TNIK: variants seen among roughly 807,000 people sequenced by gnomAD.
TNIK encodes the protein TRAF2 and NCK-interacting protein kinase.
TNIK carries 49 observed loss-of-function variants against 191.3 expected under a neutral mutation model. That is an observed-to-expected ratio of 0.26 (90% CI 0.20 to 0.32). The LOEUF is 0.32. TNIK is among the 10% of genes least tolerant of loss of function. TNIK has a pLI of 1.00. For missense variants in TNIK, 1,155 were observed against 1,702.3 expected (o/e 0.68, Z 5.66); for synonymous variants, 594 against 600.9 (o/e 0.99, Z 0.17).
intron 2 of TNIK, among the ~76,000 whole-genome samples, chr3:171,325,128 CAAAAG>C (rs778879349): frequency 2.0e-5 from 3 of 151,452 alleles, no homozygotes; most frequent in African/African-American, 7.3e-5. Flanking sequence ...ATAAATAAAA[CAAAAG>C]AGAAGAACTC....
chr3:171,252,705 A>C (rs763071542), intron 2 of TNIK, among the ~76,000 whole-genome samples: 13 of 152,204 alleles, frequency 8.5e-5, no homozygotes, highest in Non-Finnish European at 1.9e-4. Flanking sequence ...TTGATATAAG[A>C]AATCAGCTAG....
chr3:171,388,770 G>T (rs1719068143), intron 1 of TNIK, among the ~76,000 whole-genome samples: 1 of 152,210 alleles, frequency 6.6e-6, no homozygotes, highest in Non-Finnish European at 1.5e-5. Context: ...CCCCAGCAGA[G>T]CTTAGTTGCT....
chr3:171,126,016 G>C lies in TNIK; in HGVS notation c.1909C>G (p.Arg637Gly). Reference sequence around the variant, plus strand: ...TCCGAGGTGGGATCTGAGTTCTGGCGTGGCATCTCCACGCGGTGGGAGGTC... The same window carrying C: ...TCCGAGGTGGGATCTGAGTTCTGGCCTGGCATCTCCACGCGGTGGGAGGTC... ...NVTSHRVEMP[R>G]QNSDPTSENP... is the part of the protein sequence containing the mutation. The change falls in exon 17 of 33, where the codon CGC becomes GGC. Residue 637 changes from arginine (R) to glycine (G), a missense_variant. Physicochemically the swap from Arg to Gly is moderately radical, Grantham distance 125. Transcript: ENST00000436636. The C allele has an allele frequency of 6.2e-7, 1 of 1,613,962 alleles. No homozygotes were observed.
At chr3:171,191,407 T>C (rs1338613926) in intron 5 of TNIK, among the ~76,000 whole-genome samples, 1 of 152,164 alleles carries the variant, frequency 6.6e-6, no homozygotes, top group African/African-American at 2.4e-5. Context: ...CACGCCAGGC[T>C]AATTTATTTT....
intron 2 of TNIK, among the ~76,000 whole-genome samples, chr3:171,265,846 C>CACTAGTG (rs1748327073): frequency 6.8e-6 from 1 of 146,654 alleles, no homozygotes; most frequent in African/African-American, 2.5e-5. Context: ...TTTAAATAAG[C>CACTAGTG]ATTATTTTTT....
At chr3:171,452,964 C>G (rs1170662394) in intron 1 of TNIK, among the ~76,000 whole-genome samples, 2 of 152,088 alleles carry the variant, frequency 1.3e-5, no homozygotes, top group Non-Finnish European at 2.9e-5. Flanking sequence ...GAATTGTACT[C>G]TACATAAAAA....
intron 18 of TNIK, among the ~76,000 whole-genome samples, chr3:171,115,016 A>G (rs1208202265): frequency 6.6e-6 from 1 of 152,244 alleles, no homozygotes; most frequent in Non-Finnish European, 1.5e-5. Flanking sequence ...AAAAATTATT[A>G]TGCATAATTA....
intron 2 of TNIK, among the ~76,000 whole-genome samples, chr3:171,331,245 T>C (rs1756394738): frequency 6.6e-6 from 1 of 152,154 alleles, no homozygotes; most frequent in Non-Finnish European, 1.5e-5. Context: ...CAGGCCACTT[T>C]CTACCCCAGA....
At chr3:171,068,745 G>A in intron 30 of TNIK, 103 bp downstream of exon 30, 1 of 1,199,194 alleles carries the variant, frequency 8.3e-7, no homozygotes, top group Non-Finnish European at 1.1e-6. Flanking sequence ...TTGCTGGTTA[G>A]TAAAGTGTGC....
intron 32 of TNIK, among the ~76,000 whole-genome samples, chr3:171,065,606 A>T (rs1437032389): frequency 2.6e-5 from 4 of 152,214 alleles, no homozygotes; most frequent in African/African-American, 9.6e-5. Context: ...GTCACTGATC[A>T]TGCCAGACGG....
intron 2 of TNIK, among the ~76,000 whole-genome samples, chr3:171,275,886 G>A (rs977336667): frequency 4.0e-5 from 6 of 150,810 alleles, no homozygotes; most frequent in African/African-American, 7.3e-5. Context: ...GACAGAGCGC[G>A]ACTCCGTCTC....
intron 1 of TNIK, among the ~76,000 whole-genome samples, chr3:171,446,782 A>G (rs943118974): frequency 6.6e-6 from 1 of 152,204 alleles, no homozygotes; most frequent in African/African-American, 2.4e-5. Context: ...GCTATCTTCT[A>G]TGATCATCAC....
chr3:171,094,095 A>G (rs1026650411), intron 22 of TNIK, 127 bp from the exon 23 acceptor site: 2 of 1,243,992 alleles, frequency 1.6e-6, no homozygotes, highest in African/African-American at 1.5e-5. Context: ...CATTGTACCA[A>G]TTTTAAGTGT....
At chr3:171,089,394 T>G (rs1024201891) in intron 23 of TNIK, among the ~76,000 whole-genome samples, 1 of 152,238 alleles carries the variant, frequency 6.6e-6, no homozygotes, top group Admixed American at 6.5e-5. Flanking sequence ...GTTCAAATAC[T>G]GAAAAGCTTT....
chr3:171,287,344 AC>A (rs1179292434), intron 2 of TNIK, among the ~76,000 whole-genome samples: 6 of 152,142 alleles, frequency 3.9e-5, no homozygotes, highest in African/African-American at 1.4e-4. Context: ...TAAAATGTGG[AC>A]TCAGATGTAT....
chr3:171,085,561 C>T lies in TNIK; in HGVS notation c.2887-332G>A, dbSNP rs1721242661. Among the ~76,000 whole-genome samples the T allele has an allele frequency of 2.0e-5, 3 of 152,166 alleles. No individual in the cohort carries two copies. The South Asian group carries it at 6.2e-4, about 32-fold the overall frequency. On this transcript the variant is annotated intron_variant, in intron 24 of 32. Transcript: ENST00000436636. ...TCTCCCTTTCAGTAAAAGCAACCTC[C>T]TATATTGACTACTTGATCAATATGA... is the stretch of plus-strand genomic sequence containing the variant.
At chr3:171,257,782 C>T (rs1747067412) in intron 2 of TNIK, among the ~76,000 whole-genome samples, 1 of 152,162 alleles carries the variant, frequency 6.6e-6, no homozygotes, top group African/African-American at 2.4e-5. Flanking sequence ...TTCTGGAGAG[C>T]AGGCTACTTT....
In TNIK at chr3:171,387,939, A is replaced by G. The variant is rs538771531; in HGVS notation, c.58-18254T>C. On this transcript the variant is annotated intron_variant, in intron 1 of 32. Transcript: ENST00000436636. ...ACTTGGACTCCAACAGAACTGAAAT[A>G]ATGACTGTACTATCAGAAAAATATA... Among the ~76,000 whole-genome samples the G allele has an allele frequency of 4.0e-5, 6 of 151,532 alleles. No individual in the cohort carries two copies. In the South Asian group the frequency reaches 6.3e-4, roughly 16 times the overall value.
intron 1 of TNIK, among the ~76,000 whole-genome samples, chr3:171,372,890 G>C (rs1716711441): frequency 1.3e-5 from 2 of 152,160 alleles, no homozygotes; most frequent in Admixed American, 6.5e-5. Context: ...ACAGTATCCT[G>C]AGAGTAACAA....
Sources: gnomAD v4.1 joint callset for allele counts (sites outside exome capture counted in the v4.1 genomes callset) on GRCh38, gnomAD v4.1.1 for gene constraint, MANE v1.5 for transcripts, NCBI Gene and HGNC (gene_info 2026-07-23, HGNC 2026-07-21) for gene names.